Variants in CNBD1 observed in about 807,000 individuals in gnomAD.
The protein encoded by CNBD1 is cyclic nucleotide binding domain containing 1, also known as cyclic nucleotide-binding domain-containing protein 1.
Under a neutral mutation model 54.4 loss-of-function variants are expected in CNBD1, and 71 were observed. The ratio of observed to expected loss-of-function variants is 1.30; its 90% CI spans 1.08 to 1.59. The LOEUF (loss-of-function observed/expected upper bound fraction) is 1.59. CNBD1 is among the 40% of genes most tolerant of loss of function. The pLI, the probability that CNBD1 is intolerant of heterozygous loss-of-function variation, is 0.00. For synonymous variants in CNBD1, 182 were observed against 170.7 expected (o/e 1.07, Z -0.51); for missense variants, 659 against 518.0 (o/e 1.27, Z -2.64).
chr8:87,150,723 G>T (rs1812586067), intron 4 of CNBD1, among the ~76,000 whole-genome samples: 1 of 152,138 alleles, frequency 6.6e-6, no homozygotes, highest in South Asian at 2.1e-4. Flanking sequence ...TTGTCAATGT[G>T]ATTAGCCCAT....
intron 5 of CNBD1, among the ~76,000 whole-genome samples, chr8:87,220,177 G>T (rs1445349473): frequency 1.3e-5 from 2 of 151,856 alleles, no homozygotes; most frequent in African/African-American, 2.4e-5. Context: ...GTAACTTAAT[G>T]CTATGAATAT....
chr8:87,379,567 A>G (rs1811030861), intron 10 of CNBD1, among the ~76,000 whole-genome samples: 1 of 152,008 alleles, frequency 6.6e-6, no homozygotes, highest in South Asian at 2.1e-4. Context: ...TCCATGAGAA[A>G]TAGATCTTGA....
At position 87,316,841 on chromosome 8, in the gene CNBD1, A is replaced by T. The variant is rs144738514; in HGVS notation, c.1042+30170A>T. ...CGTTATCTAGTGTATATCTATTTAC[A>T]ACTCCTATTTATATACAAGTATTAA... is the stretch of plus-strand genomic sequence containing the variant. On this transcript the variant is annotated intron_variant, in intron 8 of 10. Transcript: ENST00000518476. 9.7e-4 allele frequency among the ~76,000 whole-genome samples: 147 copies of T among 152,006 alleles called. 1 individual carries two copies. The highest frequency in any genetic ancestry group is 3.4e-3 in the African/African-American group (140 of 41,554).
chr8:87,109,004 T>A (rs997889392), intron 4 of CNBD1, among the ~76,000 whole-genome samples: 4 of 152,240 alleles, frequency 2.6e-5, no homozygotes, highest in Non-Finnish European at 1.5e-5. Flanking sequence ...CCCTTGACTT[T>A]GTTCTGCTTA....
At chr8:87,208,593 G>A (rs1376738475) in intron 5 of CNBD1, among the ~76,000 whole-genome samples, 1 of 151,870 alleles carries the variant, frequency 6.6e-6, no homozygotes, top group Non-Finnish European at 1.5e-5. Flanking sequence ...ATAACCTAAA[G>A]CTCATGAAAA....
chr8:87,300,305 G>A (rs1234923909), intron 8 of CNBD1, among the ~76,000 whole-genome samples: 1 of 152,060 alleles, frequency 6.6e-6, no homozygotes, highest in Non-Finnish European at 1.5e-5. Context: ...GACACAGCAT[G>A]CTATAATGAC....
chr8:87,325,633 T>A (rs887427565), intron 8 of CNBD1, among the ~76,000 whole-genome samples: 2 of 135,966 alleles, frequency 1.5e-5, no homozygotes, highest in African/African-American at 2.9e-5. Context: ...AACCCCTGCC[T>A]TTTTTTGTTT....
intron 8 of CNBD1, among the ~76,000 whole-genome samples, chr8:87,327,335 G>A (rs1264077639): frequency 6.6e-6 from 1 of 150,380 alleles, no homozygotes; most frequent in African/African-American, 2.5e-5. Context: ...GCTCCACCCA[G>A]TTCGAGCTTC....
At chr8:87,400,495 T>C (rs1807537454) in intron 2 of CNBD1, among the ~76,000 whole-genome samples, 1 of 151,986 alleles carries the variant, frequency 6.6e-6, no homozygotes, top group East Asian at 1.9e-4. Flanking sequence ...TAGAAAAATG[T>C]CAGCATGTGG....
intron 6 of CNBD1, among the ~76,000 whole-genome samples, chr8:87,249,134 C>T (rs549843004): frequency 7.9e-5 from 12 of 152,274 alleles, no homozygotes; most frequent in Admixed American, 3.9e-4. Flanking sequence ...TTTGCAGCTG[C>T]TCCCCAGTAC....
intron 3 of CNBD1, among the ~76,000 whole-genome samples, chr8:86,919,497 A>G (rs539831897): frequency 2.0e-5 from 3 of 152,172 alleles, no homozygotes; most frequent in Non-Finnish European, 4.4e-5. Context: ...AGCACGATTC[A>G]ATCAGTTGAC....
chr8:87,049,114 T>A (rs953487102), intron 4 of CNBD1, among the ~76,000 whole-genome samples: 1 of 152,206 alleles, frequency 6.6e-6, no homozygotes, highest in Non-Finnish European at 1.5e-5. Flanking sequence ...CCTCCCAGAT[T>A]ACAGGGGTCT....
chr8:87,102,196 T>G (rs1017905902), intron 4 of CNBD1, among the ~76,000 whole-genome samples: 5 of 152,080 alleles, frequency 3.3e-5, no homozygotes, highest in Non-Finnish European at 1.5e-5. Context: ...CCAGAATTTT[T>G]TATGTTGATG....
chr8:86,933,022 T>G (rs1038049455), intron 3 of CNBD1, among the ~76,000 whole-genome samples: 2 of 152,046 alleles, frequency 1.3e-5, no homozygotes, highest in African/African-American at 4.8e-5. Flanking sequence ...CCTTTCCTCT[T>G]AGACCACAAA....
chr8:87,244,839 A>C (rs987469472), intron 6 of CNBD1, among the ~76,000 whole-genome samples: 2 of 152,176 alleles, frequency 1.3e-5, no homozygotes, highest in African/African-American at 2.4e-5. Context: ...TCAAAGATGA[A>C]CTGTGAAATG....
At chr8:87,156,873 AAGG>A (rs1414170987) in intron 4 of CNBD1, among the ~76,000 whole-genome samples, 17 of 152,144 alleles carry the variant, frequency 1.1e-4, no homozygotes, top group African/African-American at 3.9e-4. Flanking sequence ...AATAGAAAAA[AAGG>A]AGAATTCTAT....
chr8:86,900,328 T>G (rs566195311), intron 2 of CNBD1, among the ~76,000 whole-genome samples: 3 of 152,304 alleles, frequency 2.0e-5, no homozygotes, highest in Non-Finnish European at 2.9e-5. Context: ...CCTGAGTCTG[T>G]GTCTAGGTAG....
chr8:87,039,968 G>T (rs1810029624), intron 4 of CNBD1, among the ~76,000 whole-genome samples: 2 of 152,182 alleles, frequency 1.3e-5, no homozygotes, highest in Non-Finnish European at 2.9e-5. Flanking sequence ...TCAGTTTACT[G>T]ATCTGGGTGG....
chr8:86,991,108 A>C (rs1463299920), intron 4 of CNBD1, among the ~76,000 whole-genome samples: 1 of 152,126 alleles, frequency 6.6e-6, no homozygotes, highest in Non-Finnish European at 1.5e-5. Flanking sequence ...CAAATATAAG[A>C]TTATATCATC....
Sources: gnomAD v4.1 joint callset for allele counts (sites outside exome capture counted in the v4.1 genomes callset) on GRCh38, gnomAD v4.1.1 for gene constraint, MANE v1.5 for transcripts, NCBI Gene and HGNC (gene_info 2026-07-23, HGNC 2026-07-21) for gene names.